The following MYO1D variants were observed in gnomAD, a reference collection of about 807,000 sequenced individuals.
The protein encoded by MYO1D is myosin ID.
MYO1D carries 83 observed loss-of-function variants against 122.0 expected under a neutral mutation model. The ratio of observed to expected loss-of-function variants is 0.68; its 90% CI spans 0.57 to 0.82. MYO1D has a LOEUF of 0.82. MYO1D is among the 40% of genes least tolerant of loss of function. The pLI is 0.00. For synonymous variants in MYO1D, 464 were observed against 446.9 expected (o/e 1.04, Z -0.48); for missense variants, 1,157 against 1,269.5 (o/e 0.91, Z 1.35).
At chr17:32,707,400 C>A (rs1234618855) in intron 16 of MYO1D, among the ~76,000 whole-genome samples, 2 of 152,136 alleles carry the variant, frequency 1.3e-5, no homozygotes, top group Non-Finnish European at 1.5e-5. Flanking sequence ...GAAAAGAGTT[C>A]ACTTGCATTG....
chr17:32,790,979 G>A (rs1156434688), intron 1 of MYO1D, among the ~76,000 whole-genome samples: 1 of 152,218 alleles, frequency 6.6e-6, no homozygotes, highest in South Asian at 2.1e-4. Flanking sequence ...TGTTGAGCCA[G>A]AAAGTAGGAA....
rs1446504192 is a variant in MYO1D, at chr17:32,760,186, T to C, written c.1296+104A>G. 3.1e-6 allele frequency: 3 copies of C among 962,878 alleles called. No individual in the cohort carries two copies. In the African/African-American group the frequency reaches 4.8e-5, roughly 16 times the overall value. The allele number at this position is 962,878 out of a possible 1,614,324, so 59.6% of individuals were successfully genotyped here. On this transcript the variant is annotated intron_variant, in intron 10 of 21. Coordinates refer to ENST00000318217, the MANE Select transcript of MYO1D (RefSeq NM_015194.3). ...CCAAAAAGGAAAGCTAAGGTTCAGA[T>C]GTTTCAAATACCCCCAAAAGATCAA...
chr17:32,703,528 G>C (rs1012033963), intron 16 of MYO1D, among the ~76,000 whole-genome samples: 3 of 151,112 alleles, frequency 2.0e-5, no homozygotes, highest in Non-Finnish European at 4.4e-5. Flanking sequence ...TGATCCTCCT[G>C]CCTTAGCCTC....
At chr17:32,507,779 G>A (rs1235179784) in intron 21 of MYO1D, among the ~76,000 whole-genome samples, 1 of 151,906 alleles carries the variant, frequency 6.6e-6, no homozygotes, top group African/African-American at 2.4e-5. Context: ...CTGACAGAAA[G>A]AAGAGAAACC....
chr17:32,572,283 T>C (rs2087238391), intron 21 of MYO1D, among the ~76,000 whole-genome samples: 1 of 152,090 alleles, frequency 6.6e-6, no homozygotes, highest in Non-Finnish European at 1.5e-5. Context: ...CTGAGGCTGC[T>C]TCCTTTGTGA....
chr17:32,817,942 C>T (rs917282413), intron 1 of MYO1D, among the ~76,000 whole-genome samples: 3 of 150,394 alleles, frequency 2.0e-5, no homozygotes, highest in Non-Finnish European at 4.4e-5. Context: ...CCGGCTAAAA[C>T]GGTGAAACCC....
At chr17:32,643,022 C>T (rs1028083284) in intron 19 of MYO1D, among the ~76,000 whole-genome samples, 7 of 152,144 alleles carry the variant, frequency 4.6e-5, no homozygotes, top group African/African-American at 1.7e-4. Flanking sequence ...GGAATGCTTC[C>T]ACTTTTTGCC....
chr17:32,560,556 T>TACAC (rs2087112849), intron 21 of MYO1D, among the ~76,000 whole-genome samples: 1 of 114,130 alleles, frequency 8.8e-6, no homozygotes, highest in Admixed American at 8.1e-5. Flanking sequence ...TATATATATA[T>TACAC]ATATATATAT....
intron 20 of MYO1D, among the ~76,000 whole-genome samples, chr17:32,614,350 A>G (rs1321052052): frequency 6.7e-6 from 1 of 150,090 alleles, no homozygotes; most frequent in Non-Finnish European, 1.5e-5. Flanking sequence ...GTTTGCTCGT[A>G]TTTTGACACA....
chr17:32,627,548 T>G (rs1597948937), intron 20 of MYO1D, among the ~76,000 whole-genome samples: 2 of 152,122 alleles, frequency 1.3e-5, no homozygotes, highest in Admixed American at 6.5e-5. Flanking sequence ...ATAATTACAG[T>G]CCATTTACCT....
chr17:32,494,970 C>T lies in MYO1D; in HGVS notation c.2865-55G>A, dbSNP rs978035871. ...GTTAGCAGGCAGCATGAGAACAGGG[C>T]ACCTGCCCGGCAGCTCCCGGCCACC... On this transcript the variant is annotated intron_variant, in intron 21 of 21. Coordinates refer to ENST00000318217, the MANE Select transcript of MYO1D (RefSeq NM_015194.3). 8 of 1,512,660 alleles carry T rather than the reference C, an allele frequency of 5.3e-6. No homozygotes were observed. The African/African-American group carries it at 9.8e-5, about 19-fold the overall frequency. 93.7% of individuals were successfully genotyped at this position (1,512,660 alleles called of 1,614,324 possible). A position where few individuals can be genotyped will look rare whatever the true frequency, so the allele number is the denominator to read the frequency against.
intron 14 of MYO1D, among the ~76,000 whole-genome samples, chr17:32,722,352 T>G (rs1460465491): frequency 6.6e-6 from 1 of 152,228 alleles, no homozygotes; most frequent in Non-Finnish European, 1.5e-5. Flanking sequence ...TGAAATAGGT[T>G]TAACTGAGTC....
chr17:32,823,220 G>A (rs747579784), intron 1 of MYO1D, among the ~76,000 whole-genome samples: 6 of 152,052 alleles, frequency 3.9e-5, no homozygotes, highest in Non-Finnish European at 5.9e-5. Flanking sequence ...TGGAGGTGGA[G>A]TAACTATCAT....
At chr17:32,637,801 G>C (rs997970869) in intron 20 of MYO1D, among the ~76,000 whole-genome samples, 2 of 152,114 alleles carry the variant, frequency 1.3e-5, no homozygotes, top group Admixed American at 1.3e-4. Context: ...AGTGAAGACG[G>C]ATCTCCACCC....
chr17:32,834,184 AT>A lies in MYO1D; in HGVS notation c.95+42593del, dbSNP rs572534750. 3.7e-3 allele frequency among the ~76,000 whole-genome samples: 557 copies of A among 152,372 alleles called. 1 individual carries two copies. Among genetic ancestry groups the A allele is most frequent in the Middle Eastern group, 0.017 (5 of 294 alleles). On this transcript the variant is annotated intron_variant, in intron 1 of 21. Coordinates refer to ENST00000318217, the MANE Select transcript of MYO1D (RefSeq NM_015194.3). Reference sequence around the variant, plus strand: ...AATACCTGATAATATGTTTAGCCTGATCAATATTAATTAAGTACAACAGACA... The same window carrying A: ...AATACCTGATAATATGTTTAGCCTGACAATATTAATTAAGTACAACAGACA...
intron 1 of MYO1D, among the ~76,000 whole-genome samples, chr17:32,868,730 T>C (rs564429332): frequency 2.0e-5 from 3 of 152,284 alleles, no homozygotes; most frequent in Non-Finnish European, 2.9e-5. Context: ...TCATTTTACA[T>C]ATAAGGAAAT....
intron 14 of MYO1D, among the ~76,000 whole-genome samples, chr17:32,735,329 C>A (rs1211887885): frequency 1.3e-5 from 2 of 152,100 alleles, no homozygotes; most frequent in East Asian, 3.9e-4. Flanking sequence ...GCTGGGACAA[C>A]AGGCCACCAT....
chr17:32,760,747 C>A (rs780297548), intron 8 of MYO1D, 120 bp from the exon 9 acceptor site: 2 of 1,020,980 alleles, frequency 2.0e-6, no homozygotes, highest in East Asian at 2.5e-5. Context: ...CATTACTGGC[C>A]TCAGCAGAAC....
intron 20 of MYO1D, among the ~76,000 whole-genome samples, chr17:32,626,382 G>A (rs532222258): frequency 1.3e-5 from 2 of 152,292 alleles, no homozygotes; most frequent in East Asian, 3.9e-4. Flanking sequence ...CTAGCAATCT[G>A]ACCTCTGGAT....
Sources: gnomAD v4.1 joint callset for allele counts (sites outside exome capture counted in the v4.1 genomes callset) on GRCh38, gnomAD v4.1.1 for gene constraint, MANE v1.5 for transcripts, NCBI Gene and HGNC (gene_info 2026-07-23, HGNC 2026-07-21) for gene names.